Variants in CDC42SE2 observed in about 807,000 individuals in gnomAD.
CDC42SE2 encodes the protein CDC42 small effector protein 2.
Under a neutral mutation model 11.5 loss-of-function variants are expected in CDC42SE2, and 3 were observed. The ratio of observed to expected loss-of-function variants is 0.26; its 90% CI spans 0.12 to 0.67. The LOEUF (loss-of-function observed/expected upper bound fraction) is 0.67. Among genes scored for constraint, CDC42SE2 ranks in the 30% least tolerant of loss-of-function variants. The probability of loss-of-function intolerance (pLI) is 0.80; values close to 1 mark genes in which losing one functional copy is unlikely to be tolerated. For synonymous variants in CDC42SE2, 33 were observed against 34.8 expected (o/e 0.95, Z 0.18); for missense variants, 82 against 106.8 (o/e 0.77, Z 1.02).
chr5:131,310,999 T>G (rs1448417936), intron 1 of CDC42SE2, among the ~76,000 whole-genome samples: 1 of 151,270 alleles, frequency 6.6e-6, no homozygotes, highest in East Asian at 1.9e-4. Context: ...GTTAGCTGGT[T>G]ATTTTGCTCG....
chr5:131,240,584 C>A (rs1447070477), upstream of CDC42SE2, among the ~76,000 whole-genome samples: 1 of 152,098 alleles, frequency 6.6e-6, no homozygotes, highest in Non-Finnish European at 1.5e-5. Context: ...ATTGTGAGAT[C>A]ATCACAGAAT....
At chr5:131,224,754 C>G in the CDC42SE2 span, among the ~76,000 whole-genome samples, 3 of 151,952 alleles carry the variant, frequency 2.0e-5, 1 homozygote, top group African/African-American at 7.3e-5. Context: ...ACAAGAGGCT[C>G]AACATTGCCT....
intron 2 of CDC42SE2, among the ~76,000 whole-genome samples, chr5:131,350,637 G>GTGTGTGTATA (rs147203202): frequency 2.0e-5 from 3 of 147,710 alleles, no homozygotes; most frequent in African/African-American, 7.5e-5. Context: ...GTGTGTGTGT[G>GTGTGTGTATA]TATATATATA....
chr5:131,342,291 A>G (rs940366208), intron 2 of CDC42SE2, among the ~76,000 whole-genome samples: 5 of 151,758 alleles, frequency 3.3e-5, no homozygotes, highest in African/African-American at 1.2e-4. Flanking sequence ...AAAAAAAAAA[A>G]AAAGGTAAAT....
chr5:131,254,731 T>C (rs1756667250), intron 1 of CDC42SE2, among the ~76,000 whole-genome samples: 1 of 152,182 alleles, frequency 6.6e-6, no homozygotes, highest in South Asian at 2.1e-4. Context: ...AGTCCAATGT[T>C]TTTAAAGGAA....
intron 2 of CDC42SE2, among the ~76,000 whole-genome samples, chr5:131,356,763 C>A (rs1330373454): frequency 1.3e-5 from 2 of 151,982 alleles, no homozygotes; most frequent in Non-Finnish European, 2.9e-5. Flanking sequence ...AAAAAATTAG[C>A]AAAGTGTGGC....
chr5:131,237,673 G>C, the CDC42SE2 span, among the ~76,000 whole-genome samples: 1 of 152,124 alleles, frequency 6.6e-6, no homozygotes, highest in African/African-American at 2.4e-5. Context: ...CAAATTCCTG[G>C]GCTCAGGCAA....
At chr5:131,346,107 T>C (rs77494261) in intron 2 of CDC42SE2, among the ~76,000 whole-genome samples, 2 of 152,114 alleles carry the variant, frequency 1.3e-5, no homozygotes, top group African/African-American at 4.8e-5. Context: ...ACGAGCAAAA[T>C]AACCAGCTAA....
At chr5:131,264,315 T>C (rs1431527818) in intron 1 of CDC42SE2, 149 bp downstream of exon 1, 4 of 152,504 alleles carry the variant, frequency 2.6e-5, no homozygotes, top group Admixed American at 2.6e-4. Context: ...CTGCGGGCTG[T>C]GGGCTGAGCC....
chr5:131,250,030 A>G (rs977915203), intron 1 of CDC42SE2, among the ~76,000 whole-genome samples: 1 of 152,238 alleles, frequency 6.6e-6, no homozygotes, highest in Non-Finnish European at 1.5e-5. Flanking sequence ...ACTAAACAAC[A>G]ACAAAAACAG....
At chr5:131,334,669 C>G (rs1758510086) in intron 2 of CDC42SE2, among the ~76,000 whole-genome samples, 1 of 152,148 alleles carries the variant, frequency 6.6e-6, no homozygotes, top group Non-Finnish European at 1.5e-5. Context: ...TTCAGAGATT[C>G]AACTTCTTCC....
chr5:131,380,105 TAAAGA>T (rs1561436208), intron 3 of CDC42SE2, among the ~76,000 whole-genome samples: 3 of 151,942 alleles, frequency 2.0e-5, no homozygotes, highest in African/African-American at 7.3e-5. Context: ...TTTTTTTTCT[TAAAGA>T]AAATATTTAA....
chr5:131,294,274 A>G (rs1672930388), intron 1 of CDC42SE2, among the ~76,000 whole-genome samples: 1 of 152,190 alleles, frequency 6.6e-6, no homozygotes, highest in Admixed American at 6.5e-5. Flanking sequence ...ACAAAAATAT[A>G]ATAATTTTAT....
rs1042949646 is a variant in CDC42SE2, at chr5:131,293,131, G to A, written c.-454-22845G>A. ...AATTCATATGTTGAAATTCTAACCC[G>A]CAACGTGATGGTAATAGGAGGTGAG... On this transcript the variant is annotated intron_variant, in intron 1 of 4. Coordinates refer to ENST00000505065, the MANE Select transcript of CDC42SE2 (RefSeq NM_001375635.1). 5.9e-5 allele frequency among the ~76,000 whole-genome samples: 9 copies of A among 151,828 alleles called. No individual in the cohort carries two copies. The East Asian group carries it at 1.7e-3, about 29-fold the overall frequency.
intron 3 of CDC42SE2, among the ~76,000 whole-genome samples, chr5:131,374,213 T>C (rs925331713): frequency 2.0e-5 from 3 of 152,172 alleles, no homozygotes; most frequent in African/African-American, 7.2e-5. Flanking sequence ...ACAAGTCACT[T>C]AGCTATTTAA....
the CDC42SE2 span, among the ~76,000 whole-genome samples, chr5:131,216,303 C>CTT: frequency 6.6e-3 from 1,002 of 152,056 alleles, 14 homozygotes; most frequent in African/African-American, 0.023. Flanking sequence ...TTGAGACCAG[C>CTT]CTGGGCAGTA....
chr5:131,312,587 G>T (rs1757945491), intron 1 of CDC42SE2, among the ~76,000 whole-genome samples: 1 of 152,312 alleles, frequency 6.6e-6, no homozygotes, highest in African/African-American at 2.4e-5. Flanking sequence ...CTAGCAATCA[G>T]CGATACTCCG....
intron 2 of CDC42SE2, among the ~76,000 whole-genome samples, chr5:131,331,436 A>C (rs1758417742): frequency 6.6e-6 from 1 of 152,202 alleles, no homozygotes; most frequent in Non-Finnish European, 1.5e-5. Context: ...AATAGAGAGA[A>C]AATGCTCTGT....
chr5:131,326,829 GGT>G (rs1394852816), intron 2 of CDC42SE2, among the ~76,000 whole-genome samples: 1 of 151,940 alleles, frequency 6.6e-6, no homozygotes, highest in Non-Finnish European at 1.5e-5. Context: ...TGGCTAGGCT[GGT>G]CTTGAACTCC....
Sources: gnomAD v4.1 joint callset for allele counts (sites outside exome capture counted in the v4.1 genomes callset) on GRCh38, gnomAD v4.1.1 for gene constraint, MANE v1.5 for transcripts, NCBI Gene and HGNC (gene_info 2026-07-23, HGNC 2026-07-21) for gene names.